Variants in ZBBX observed in about 807,000 individuals in gnomAD.
The protein encoded by ZBBX is zinc finger B-box domain-containing protein 1.
Under a neutral mutation model 108.5 loss-of-function variants are expected in ZBBX, and 101 were observed. The ratio of observed to expected loss-of-function variants is 0.93; its 90% CI spans 0.79 to 1.10. The LOEUF (loss-of-function observed/expected upper bound fraction) is 1.10. Ranked by LOEUF, ZBBX falls within the 50% of genes least tolerant of loss-of-function variation. ZBBX has a pLI of 0.00. For synonymous variants in ZBBX, 356 were observed against 323.4 expected, an observed-to-expected ratio of 1.10 and a Z score of -1.08; for missense variants, 1,009 against 941.4, an observed-to-expected ratio of 1.07 and a Z score of -0.94.
chr3:167,210,137 G>A, the ZBBX span, among the ~76,000 whole-genome samples: 4 of 150,712 alleles, frequency 2.7e-5, no homozygotes, highest in African/African-American at 7.3e-5. Flanking sequence ...TTGAGAAAAC[G>A]TAATGGAATT....
chr3:167,180,052 G>A, the ZBBX span, among the ~76,000 whole-genome samples: 1 of 152,092 alleles, frequency 6.6e-6, no homozygotes, highest in Admixed American at 6.5e-5. Context: ...AGAAGTCAAA[G>A]TCTGTGAATT....
chr3:167,232,387 C>G, the ZBBX span, among the ~76,000 whole-genome samples: 1 of 151,784 alleles, frequency 6.6e-6, no homozygotes, highest in Non-Finnish European at 1.5e-5. Flanking sequence ...TGGCATCTAT[C>G]TGATAGCAGG....
At position 167,322,215 on chromosome 3, in the gene ZBBX, T is replaced by C; in HGVS notation, c.885A>G (p.Val295=). The change falls in exon 12 of 22, where the codon GTA becomes GTG. Residue 295 remains valine (V), a synonymous_variant. Transcript: ENST00000675490. The part of the protein sequence containing the change: ...AVKDSLEECE[V]QTNLKIWREP... ...CTCTCCAAATTTTCAGATTAGTCTG[T>C]ACTTCGCATTCTTCCAATGAGTCTG... is the stretch of plus-strand genomic sequence containing the variant. 1.4e-6 allele frequency: 2 copies of C among 1,477,314 alleles called. No individual in the cohort carries two copies. Among genetic ancestry groups the C allele is most frequent in the Admixed American group, 2.3e-5 (1 of 42,576 alleles). 91.5% of individuals were successfully genotyped at this position (1,477,314 alleles called of 1,614,324 possible). A position where few individuals can be genotyped will look rare whatever the true frequency, so the allele number is the denominator to read the frequency against.
chr3:167,247,058 G>A (rs184808695), intron 20 of ZBBX, among the ~76,000 whole-genome samples: 72 of 152,342 alleles, frequency 4.7e-4, no homozygotes, highest in African/African-American at 1.6e-3. Flanking sequence ...CCACACCACA[G>A]ACCGAGGTGA....
chr3:167,207,117 C>G, the ZBBX span, among the ~76,000 whole-genome samples: 2 of 152,072 alleles, frequency 1.3e-5, no homozygotes, highest in Non-Finnish European at 2.9e-5. Context: ...GCAACAAAAA[C>G]AGACATAAAG....
intron 11 of ZBBX, among the ~76,000 whole-genome samples, chr3:167,326,784 T>C (rs1235649672): frequency 6.6e-6 from 1 of 151,924 alleles, no homozygotes; most frequent in African/African-American, 2.4e-5. Flanking sequence ...TGTAGAAAAA[T>C]ACTTGAAGAA....
intron 20 of ZBBX, among the ~76,000 whole-genome samples, chr3:167,278,586 T>G (rs1490985894): frequency 4.5e-4 from 68 of 150,134 alleles, no homozygotes; most frequent in Admixed American, 2.7e-3. Context: ...AATAACAGGA[T>G]CTGAAATTGT....
Position 167,289,438 on chromosome 3 carries a change from G to A in ZBBX, c.1880-455C>T, listed in dbSNP as rs1202316629. On this transcript the variant is annotated intron_variant, in intron 18 of 21. Coordinates refer to ENST00000675490, the MANE Select transcript of ZBBX (RefSeq NM_001199201.2). Reference sequence around the variant, plus strand: ...GGGACTGGTTCATCTCATTGGGACTGGTTGTACAGTGGGTGCAGCCCAAGG... The same window carrying A: ...GGGACTGGTTCATCTCATTGGGACTAGTTGTACAGTGGGTGCAGCCCAAGG... Among the ~76,000 whole-genome samples the A allele has an allele frequency of 2.0e-5, 3 of 152,182 alleles. No individual in the cohort carries two copies. In the South Asian group the frequency reaches 6.2e-4, roughly 31 times the overall value.
At chr3:167,183,539 T>C in the ZBBX span, among the ~76,000 whole-genome samples, 2 of 152,314 alleles carry the variant, frequency 1.3e-5, no homozygotes, top group African/African-American at 4.8e-5. Context: ...CCTTCAGAGC[T>C]GAGAGCCACA....
At chr3:167,305,201 G>T (rs1733403052) in intron 17 of ZBBX, among the ~76,000 whole-genome samples, 2 of 152,056 alleles carry the variant, frequency 1.3e-5, no homozygotes, top group Non-Finnish European at 2.9e-5. Flanking sequence ...CTTCCTGAAA[G>T]AATTACCTTC....
chr3:167,199,816 A>G, the ZBBX span, among the ~76,000 whole-genome samples: 13 of 152,316 alleles, frequency 8.5e-5, no homozygotes, highest in East Asian at 1.7e-3. Flanking sequence ...CATCCAGCAC[A>G]TACATTTTCA....
the ZBBX span, among the ~76,000 whole-genome samples, chr3:167,230,996 T>G: frequency 6.6e-6 from 1 of 151,750 alleles, no homozygotes; most frequent in African/African-American, 2.4e-5. Context: ...AAAATGTATA[T>G]GGGCCTGTGA....
At position 167,289,528 on chromosome 3, in the gene ZBBX, C is replaced by A. The variant is rs115019298; in HGVS notation, c.1880-545G>T. The stretch of plus-strand genomic sequence containing the variant: ...GAAGGAAAGGAACTCCCTCTCCTAG[C>A]CAAGGGAAGCCATTAGGGACTGTAA... On this transcript the variant is annotated intron_variant, in intron 18 of 21. Transcript: ENST00000675490. Among the ~76,000 whole-genome samples the A allele has an allele frequency of 6.2e-3, 948 of 152,326 alleles. 7 individuals carry two copies. Among genetic ancestry groups the A allele is most frequent in the African/African-American group, 0.02 (846 of 41,574 alleles).
At chr3:167,195,040 G>T in the ZBBX span, among the ~76,000 whole-genome samples, 1 of 152,168 alleles carries the variant, frequency 6.6e-6, no homozygotes, top group South Asian at 2.1e-4. Flanking sequence ...CTTCTACACA[G>T]TCTCCAGAAA....
intron 21 of ZBBX, 123 bp downstream of exon 21, chr3:167,242,382 G>C (rs1720829014): frequency 1.2e-6 from 1 of 803,996 alleles, no homozygotes; most frequent in South Asian, 2.9e-5. Flanking sequence ...ATTCTATAAA[G>C]AATGATCATA....
intron 20 of ZBBX, among the ~76,000 whole-genome samples, chr3:167,278,253 G>A (rs1225900897): frequency 2.2e-4 from 32 of 148,394 alleles, no homozygotes; most frequent in African/African-American, 7.5e-4. Context: ...TAAAATCAGA[G>A]CAGAAATGAA....
chr3:167,318,984 A>G (rs1735935625), intron 12 of ZBBX, among the ~76,000 whole-genome samples: 1 of 151,918 alleles, frequency 6.6e-6, no homozygotes, highest in South Asian at 2.1e-4. Flanking sequence ...AGCAACCAGA[A>G]CTCTCGTACC....
downstream of ZBBX, among the ~76,000 whole-genome samples, chr3:167,237,654 G>A (rs1720285999): frequency 6.6e-6 from 1 of 151,854 alleles, no homozygotes; most frequent in South Asian, 2.1e-4. Flanking sequence ...TGGAATTAAA[G>A]AACTTTCTAT....
the ZBBX span, among the ~76,000 whole-genome samples, chr3:167,188,398 G>A: frequency 1.3e-5 from 2 of 152,266 alleles, no homozygotes; most frequent in African/African-American, 4.8e-5. Flanking sequence ...TGAAAATTCT[G>A]TAATGGAATT....
Sources: allele counts gnomAD v4.1 joint callset (sites outside exome capture counted in the v4.1 genomes callset), GRCh38; gene constraint gnomAD v4.1.1; transcripts MANE v1.5; gene names NCBI Gene and HGNC (gene_info 2026-07-23, HGNC 2026-07-21).